Variants in PTPRD observed in about 807,000 individuals in gnomAD.
PTPRD encodes the protein receptor-type tyrosine-protein phosphatase delta.
Under a neutral mutation model 214.5 loss-of-function variants are expected in PTPRD, and 34 were observed. The ratio of observed to expected loss-of-function variants is 0.16; its 90% CI spans 0.12 to 0.21. The LOEUF (loss-of-function observed/expected upper bound fraction) is 0.21, where lower values mean the gene tolerates loss of function less well. PTPRD is among the 10% of genes least tolerant of loss of function. The probability of loss-of-function intolerance (pLI) is 1.00; values close to 1 mark genes in which losing one functional copy is unlikely to be tolerated. For synonymous variants in PTPRD, 1,128 were observed against 845.7 expected (o/e 1.33, Z -5.79); for missense variants, 2,545 against 2,398.7 (o/e 1.06, Z -1.27).
At chr9:9,738,982 T>C (rs1596398371) in intron 6 of PTPRD, among the ~76,000 whole-genome samples, 2 of 152,200 alleles carry the variant, frequency 1.3e-5, no homozygotes, top group South Asian at 2.1e-4. Context: ...TACTTGTATA[T>C]AGAAATGCAT....
intron 10 of PTPRD, among the ~76,000 whole-genome samples, chr9:9,070,848 A>G (rs1383041819): frequency 6.6e-6 from 1 of 152,216 alleles, no homozygotes; most frequent in African/African-American, 2.4e-5. Context: ...GTGGCAGTCA[A>G]GGCTAGAATC....
chr9:10,390,615 G>T (rs1318048409), intron 2 of PTPRD, among the ~76,000 whole-genome samples: 1 of 151,728 alleles, frequency 6.6e-6, no homozygotes, highest in Non-Finnish European at 1.5e-5. Context: ...GAATGATAAT[G>T]AAATCATTTT....
intron 7 of PTPRD, among the ~76,000 whole-genome samples, chr9:9,618,575 G>A (rs2095046271): frequency 6.6e-6 from 1 of 152,036 alleles, no homozygotes; most frequent in South Asian, 2.1e-4. Flanking sequence ...AAGAAAGAAG[G>A]ATCTTAATCT....
intron 8 of PTPRD, among the ~76,000 whole-genome samples, chr9:9,527,633 C>T (rs975439237): frequency 6.6e-6 from 1 of 152,114 alleles, no homozygotes; most frequent in African/African-American, 2.4e-5. Context: ...TAAAATCTTG[C>T]TTCTCTTATG....
At chr9:8,320,228 C>G (rs1363972561) in intron 44 of PTPRD, among the ~76,000 whole-genome samples, 3 of 151,750 alleles carry the variant, frequency 2.0e-5, no homozygotes, top group Non-Finnish European at 4.4e-5. Context: ...TTTAGAAAGA[C>G]CAAGGAAACA....
chr9:9,906,720 C>T (rs181067367), intron 5 of PTPRD, among the ~76,000 whole-genome samples: 1 of 151,976 alleles, frequency 6.6e-6, no homozygotes, highest in Non-Finnish European at 1.5e-5. Flanking sequence ...AGGAAAAACT[C>T]AGTATTTTTA....
chr9:8,695,477 A>T (rs1301990485), intron 12 of PTPRD, among the ~76,000 whole-genome samples: 2 of 152,032 alleles, frequency 1.3e-5, no homozygotes, highest in Non-Finnish European at 1.5e-5. Context: ...GGCAAGCAAG[A>T]AGGAAGCGTC....
At chr9:10,441,051 A>C (rs2098754961) in intron 2 of PTPRD, among the ~76,000 whole-genome samples, 1 of 151,766 alleles carries the variant, frequency 6.6e-6, no homozygotes, top group Admixed American at 6.6e-5. Context: ...AAATTTCTAA[A>C]GCTATAACCT....
At chr9:9,450,582 T>C (rs1003065224) in intron 8 of PTPRD, among the ~76,000 whole-genome samples, 25 of 152,086 alleles carry the variant, frequency 1.6e-4, no homozygotes, top group African/African-American at 5.5e-4. Flanking sequence ...CATATGTAAA[T>C]TCTTATCATA....
rs560110067 is a variant in PTPRD at position 9,674,400 on chromosome 9, T to C, written c.-287+60133A>G. On this transcript the variant is annotated intron_variant, in intron 7 of 45. Transcript: ENST00000381196. The stretch of plus-strand genomic sequence containing the variant: ...CAATGAAAGATGGGAACAACAACAT[T>C]AAATTGAAAGAAAAAAAGAAAAAAT... 6.0e-5 allele frequency among the ~76,000 whole-genome samples: 9 copies of C among 150,722 alleles called. No homozygotes were observed. In the East Asian group the frequency reaches 1.8e-3, roughly 29 times the overall value.
chr9:9,105,297 C>G (rs2099796941), intron 10 of PTPRD, among the ~76,000 whole-genome samples: 1 of 151,740 alleles, frequency 6.6e-6, no homozygotes, highest in Non-Finnish European at 1.5e-5. Context: ...CCTTTCATAC[C>G]TCTTCCATAG....
At chr9:9,731,227 T>G (rs2098185549) in intron 7 of PTPRD, among the ~76,000 whole-genome samples, 1 of 152,174 alleles carries the variant, frequency 6.6e-6, no homozygotes, top group Non-Finnish European at 1.5e-5. Flanking sequence ...TGGAGTATTT[T>G]TAATGTATTT....
At chr9:9,703,064 G>A (rs1006920627) in intron 7 of PTPRD, among the ~76,000 whole-genome samples, 3 of 152,098 alleles carry the variant, frequency 2.0e-5, no homozygotes, top group African/African-American at 7.2e-5. Context: ...CAGGTGTTGA[G>A]GGAAGAACTG....
At chr9:8,369,122 G>A (rs7851520) in intron 39 of PTPRD, among the ~76,000 whole-genome samples, 7,848 of 152,048 alleles carry the variant, frequency 0.052, 701 homozygotes, top group African/African-American at 0.18. Context: ...CAATACTTGT[G>A]GTCTTTGATC....
chr9:10,383,850 G>C (rs561809553), intron 2 of PTPRD, among the ~76,000 whole-genome samples: 1 of 151,858 alleles, frequency 6.6e-6, no homozygotes, highest in South Asian at 2.1e-4. Context: ...GATATCATTT[G>C]GAAATGGGAA....
intron 2 of PTPRD, among the ~76,000 whole-genome samples, chr9:10,605,240 AACCAAAGC>A (rs1294941487): frequency 4.6e-5 from 7 of 151,884 alleles, no homozygotes; most frequent in African/African-American, 1.7e-4. Context: ...TTCCTGAGAA[AACCAAAGC>A]ACTTCTGCTA....
chr9:10,606,533 C>CTT lies in PTPRD; in HGVS notation c.-600+5863_-600+5864dup, dbSNP rs34402701. ...CACTCCATTACTTCTTCTTTATTTTCTTTTTTTTTTTTTCTGTTTCTGTGC... is the reference window on the plus strand; with the variant it reads ...CACTCCATTACTTCTTCTTTATTTTCTTTTTTTTTTTTTTTCTGTTTCTGTGC... On this transcript the variant is annotated intron_variant, in intron 2 of 45. Transcript: ENST00000381196. Among the ~76,000 whole-genome samples the CTT allele has an allele frequency of 4.3e-3, 623 of 143,482 alleles. 6 individuals carry two copies. Among genetic ancestry groups the CTT allele is most frequent in the South Asian group, 0.016 (73 of 4,572 alleles). The allele number at this position is 143,482 out of a possible 152,430, so 94.1% of individuals were successfully genotyped here.
At chr9:10,106,071 A>G (rs1055665580) in intron 3 of PTPRD, among the ~76,000 whole-genome samples, 2 of 150,300 alleles carry the variant, frequency 1.3e-5, no homozygotes, top group African/African-American at 4.9e-5. Context: ...TTTTCCCCTG[A>G]CCTAATTTGT....
In PTPRD at chr9:10,292,018, C is replaced by G. The variant is rs186624260; in HGVS notation, c.-545+48945G>C. On this transcript the variant is annotated intron_variant, in intron 3 of 45. Transcript: ENST00000381196. ...TTCTAAATTTCCATGCACTAAGTAG[C>G]CTTAGAGTAAGCTCTCCATTATTTT... 8.5e-5 allele frequency among the ~76,000 whole-genome samples: 13 copies of G among 152,064 alleles called. No homozygotes were observed. In the East Asian group the frequency reaches 2.5e-3, roughly 29 times the overall value.
Sources: allele counts gnomAD v4.1 joint callset (sites outside exome capture counted in the v4.1 genomes callset), GRCh38; gene constraint gnomAD v4.1.1; transcripts MANE v1.5; gene names NCBI Gene and HGNC (gene_info 2026-07-23, HGNC 2026-07-21).